RTEL1: variants seen among roughly 807,000 people sequenced by gnomAD.
RTEL1 encodes regulator of telomere length.
A neutral mutation model predicts 162.2 loss-of-function variants in RTEL1; 86 were observed. That is an observed-to-expected ratio of 0.53 (90% CI 0.45 to 0.63). The LOEUF (loss-of-function observed/expected upper bound fraction) is 0.63. RTEL1 is among the 30% of genes least tolerant of loss of function. RTEL1 has a pLI of 0.00. For synonymous variants in RTEL1, 958 were observed against 717.9 expected, an observed-to-expected ratio of 1.33 and a Z score of -5.35; for missense variants, 1,941 against 1,750.2, an observed-to-expected ratio of 1.11 and a Z score of -1.95.
rs13043797 is a variant in RTEL1 at position 63,659,344 on chromosome 20, A to C, written c.-59A>C. 0.054 allele frequency: 70,893 copies of C among 1,320,270 alleles called. 2,369 individuals are homozygous for C. The highest frequency in any genetic ancestry group is 0.067 in the Non-Finnish European group (61,664 of 914,486). The allele number at this position is 1,320,270 out of a possible 1,614,324, so 81.8% of individuals were successfully genotyped here. A position where few individuals can be genotyped will look rare whatever the true frequency, so the allele number is the denominator to read the frequency against. The stretch of plus-strand genomic sequence containing the variant: ...AAGATGTTCGGAGTGGTTTTTTCGC[A>C]CAGACCCGAATAGCCTGCCCCTCAG... On this transcript the variant is annotated 5_prime_UTR_variant, in exon 2 of 35. Coordinates refer to ENST00000360203, the MANE Select transcript of RTEL1 (RefSeq NM_001283009.2).
rs751348891 is a variant in RTEL1 at position 63,661,823 on chromosome 20, C to T, written c.302-27C>T. 70 of 1,600,816 alleles carry T rather than the reference C, an allele frequency of 4.4e-5. No homozygotes were observed. Among genetic ancestry groups the T allele is most frequent in the Non-Finnish European group, 2.2e-5 (26 of 1,168,032 alleles). The stretch of plus-strand genomic sequence containing the variant: ...TGAGAACGTTGTCTGAGAACCGTGA[C>T]TTCTGTGCTTGCTTGTGTCTGGTCA... On this transcript the variant is annotated intron_variant, in intron 3 of 34. Coordinates refer to ENST00000360203, the MANE Select transcript of RTEL1 (RefSeq NM_001283009.2). The surrounding 1 kb of genome is among the most constrained non-coding windows in gnomAD (Gnocchi z 5.1).
rs1415278769 is a variant in RTEL1 at position 63,679,964 on chromosome 20, G to T, written c.1135+18G>T. On this transcript the variant is annotated intron_variant, in intron 13 of 34. Transcript: ENST00000360203. ...GGCAGGACGTGAGTGCTGGCACGGG[G>T]TCTTTGGTGCGGGCAAATGTGGCGT... is the stretch of plus-strand genomic sequence containing the variant. 1 of 1,588,674 alleles carries T rather than the reference G, an allele frequency of 6.3e-7. No individual in the cohort carries two copies. Among genetic ancestry groups the T allele is most frequent in the South Asian group, 1.1e-5 (1 of 89,954 alleles).
Position 63,690,530 on chromosome 20 carries a change from G to A in RTEL1, c.2413+89G>A, listed in dbSNP as rs1001888422. On this transcript the variant is annotated intron_variant, in intron 26 of 34. Coordinates refer to ENST00000360203, the MANE Select transcript of RTEL1 (RefSeq NM_001283009.2). ...AGCACCAGGCGCCCAGGGCGGAGGC[G>A]ACTCACCTGGCTTTGTGCGCTTCCC... 13 of 1,412,622 alleles carry A rather than the reference G, an allele frequency of 9.2e-6. No individual in the cohort carries two copies. The African/African-American group carries it at 1.0e-4, about 11-fold the overall frequency. 87.5% of individuals were successfully genotyped at this position (1,412,622 alleles called of 1,614,324 possible). A position where few individuals can be genotyped will look rare whatever the true frequency, so the allele number is the denominator to read the frequency against.
chr20:63,668,086 G>T lies in RTEL1; in HGVS notation c.699+533G>T, dbSNP rs1164104793. Among the ~76,000 whole-genome samples the T allele has an allele frequency of 1.2e-4, 11 of 89,210 alleles. No homozygotes were observed. Among genetic ancestry groups the T allele is most frequent in the African/African-American group, 2.3e-4 (5 of 21,746 alleles). The allele number at this position is 89,210 out of a possible 152,430, so 58.5% of individuals were successfully genotyped here. A position where few individuals can be genotyped will look rare whatever the true frequency, so the allele number is the denominator to read the frequency against. ...TGTGTGCCCAGCCCCACTCCCTTCC[G>T]CCCCGTGTGCCCAGCCCCACGCTCA... On this transcript the variant is annotated intron_variant, in intron 8 of 34. Coordinates refer to ENST00000360203, the MANE Select transcript of RTEL1 (RefSeq NM_001283009.2). The surrounding 1 kb of genome is among the most constrained non-coding windows in gnomAD (Gnocchi z 4.3).
At chr20:63,694,310 C>CCCCCCCCCGGGA in intron 30 of RTEL1, 62 bp from the exon 31 acceptor site, 1 of 1,053,854 alleles carries the variant, frequency 9.5e-7, no homozygotes. Flanking sequence ...CCCTGCCCCC[C>CCCCCCCCCGGGA]CACCCCAGGG....
chr20:63,674,971 G>A (rs548891422), intron 10 of RTEL1, among the ~76,000 whole-genome samples: 67 of 151,472 alleles, frequency 4.4e-4, no homozygotes, highest in Middle Eastern at 6.8e-3. Context: ...GCAATGGCGC[G>A]ATCTTGGCTC....
chr20:63,661,167 C>T lies in RTEL1; in HGVS notation c.103-131C>T. The T allele has an allele frequency of 1.2e-6, 1 of 803,884 alleles. No individual in the cohort carries two copies. Among genetic ancestry groups the T allele is most frequent in the Non-Finnish European group, 2.0e-6 (1 of 509,648 alleles). The allele number at this position is 803,884 out of a possible 1,614,324, so 49.8% of individuals were successfully genotyped here. On this transcript the variant is annotated intron_variant, in intron 2 of 34. Coordinates refer to ENST00000360203, the MANE Select transcript of RTEL1 (RefSeq NM_001283009.2). The surrounding 1 kb of genome is among the most constrained non-coding windows in gnomAD (Gnocchi z 5.1). ...GACTTCTCCGCGGTCCCACAGGGCTCTCGCCACCTGGCAGTGGCCTCTGCA... is the reference window on the plus strand; with the variant it reads ...GACTTCTCCGCGGTCCCACAGGGCTTTCGCCACCTGGCAGTGGCCTCTGCA...
intron 6 of RTEL1, chr20:63,665,399 C>G (rs1167641069): frequency 6.5e-6 from 1 of 152,824 alleles, no homozygotes; most frequent in Non-Finnish European, 1.5e-5. Context: ...GGCAGGACAT[C>G]CCCCAGACTC....
chr20:63,677,652 C>G (rs6010619), intron 10 of RTEL1, among the ~76,000 whole-genome samples: 1 of 152,238 alleles, frequency 6.6e-6, no homozygotes, highest in Non-Finnish European at 1.5e-5. Flanking sequence ...ACCTGCTCCT[C>G]TTGGTGTCTC....
intron 14 of RTEL1, chr20:63,681,292 T>G (rs548071322): frequency 2.0e-6 from 2 of 985,394 alleles, no homozygotes; most frequent in South Asian, 9.4e-5. Context: ...GTAGAGGTGC[T>G]TGTCCGGTTT....
intron 15 of RTEL1, 83 bp from the exon 16 acceptor site, chr20:63,685,707 TG>T: frequency 1.3e-6 from 2 of 1,582,852 alleles, no homozygotes; most frequent in Non-Finnish European, 1.7e-6. Flanking sequence ...CAGGTGGGGC[TG>T]GGGGTCTTCT....
At chr20:63,686,987 A>G (rs769309651) in intron 16 of RTEL1, 21 of 153,482 alleles carry the variant, frequency 1.4e-4, no homozygotes, top group Non-Finnish European at 2.9e-4. Context: ...TGCAGGGCAC[A>G]CTCAGCCCCA....
At chr20:63,694,096 G>A (rs1368149282) in intron 30 of RTEL1, among the ~76,000 whole-genome samples, 3 of 152,052 alleles carry the variant, frequency 2.0e-5, no homozygotes, top group African/African-American at 7.2e-5. Flanking sequence ...TCCCTTCTGG[G>A]CTTGGTACTC....
At position 63,661,953 on chromosome 20, in the gene RTEL1, A is replaced by G; in HGVS notation, c.395+10A>G. On this transcript the variant is annotated intron_variant, in intron 4 of 34. Transcript: ENST00000360203. This position sits in a 1 kb window ranked among gnomAD's most constrained non-coding sequence, Gnocchi z 5.1. ...GGAACACCTCCTACCGGTGGGTCAG[A>G]CGAGTTTACACCTGTCTCGGGGTCC... 1 of 1,605,666 alleles carries G rather than the reference A, an allele frequency of 6.2e-7. No homozygotes were observed. Among genetic ancestry groups the G allele is most frequent in the Non-Finnish European group, 8.5e-7 (1 of 1,172,440 alleles).
rs1448531077 is a variant in RTEL1 at position 63,659,354 on chromosome 20, A to G, written c.-49A>G. 2 of 1,421,864 alleles carry G rather than the reference A, an allele frequency of 1.4e-6. No individual in the cohort carries two copies. Among genetic ancestry groups the G allele is most frequent in the South Asian group, 2.3e-5 (2 of 86,882 alleles). 88.1% of individuals were successfully genotyped at this position (1,421,864 alleles called of 1,614,324 possible). ...GAGTGGTTTTTTCGCACAGACCCGA[A>G]TAGCCTGCCCCTCAGCCACGCTCTG... On this transcript the variant is annotated 5_prime_UTR_variant, in exon 2 of 35. Transcript: ENST00000360203.
At chr20:63,672,675 A>G in intron 9 of RTEL1, 54 bp downstream of exon 9, 1 of 1,452,052 alleles carries the variant, frequency 6.9e-7, no homozygotes. Flanking sequence ...CCTTTTTGTC[A>G]AGAGCCACGC....
At chr20:63,689,475 C>G in intron 22 of RTEL1, 27 bp from the exon 23 acceptor site, 1 of 1,526,250 alleles carries the variant, frequency 6.6e-7, no homozygotes, top group South Asian at 1.3e-5. Context: ...CCCACGGCCC[C>G]AGGCAGCTCC....
intron 6 of RTEL1, among the ~76,000 whole-genome samples, chr20:63,664,193 G>A (rs2090077010): frequency 6.6e-6 from 1 of 152,182 alleles, no homozygotes; most frequent in Admixed American, 6.5e-5. Context: ...CCTGCAGGAC[G>A]TGACTCTGGG....
intron 26 of RTEL1, 36 bp downstream of exon 26, chr20:63,690,477 G>GGGGGGC: frequency 6.6e-7 from 1 of 1,509,716 alleles, no homozygotes; most frequent in Non-Finnish European, 8.9e-7. Context: ...CGGTGTGGGG[G>GGGGGGC]TGGCGGAGCG....
Sources: allele counts gnomAD v4.1 joint callset (sites outside exome capture counted in the v4.1 genomes callset), GRCh38; gene constraint gnomAD v4.1.1; non-coding constraint Gnocchi (gnomAD v3.1); transcripts MANE v1.5; gene names NCBI Gene and HGNC (gene_info 2026-07-23, HGNC 2026-07-21).